Variants in ARHGAP6 observed in about 807,000 individuals in gnomAD.
ARHGAP6 encodes the protein rho GTPase-activating protein 6.
Under a neutral mutation model 55.7 loss-of-function variants are expected in ARHGAP6, and 16 were observed. That is an observed-to-expected ratio of 0.29 (90% CI 0.19 to 0.44). The LOEUF (loss-of-function observed/expected upper bound fraction) is 0.44, where lower values mean the gene tolerates loss of function less well. ARHGAP6 is among the 20% of genes least tolerant of loss of function. ARHGAP6 has a pLI of 1.00. For missense variants in ARHGAP6, 698 were observed against 808.9 expected, an observed-to-expected ratio of 0.86 and a Z score of 1.66; for synonymous variants, 382 against 360.9, an observed-to-expected ratio of 1.06 and a Z score of -0.66.
At chrX:11,358,540 C>T (rs1436332100) in intron 1 of ARHGAP6, among the ~76,000 whole-genome samples, 3 of 103,047 alleles carry the variant, frequency 2.9e-5, no homozygotes, top group African/African-American at 1.1e-4. Context: ...AATGCGATGG[C>T]GTGATCTCAG....
intron 1 of ARHGAP6, among the ~76,000 whole-genome samples, chrX:11,596,308 A>C (rs1171438228): frequency 2.7e-5 from 3 of 111,851 alleles, no homozygotes; most frequent in Non-Finnish European, 5.6e-5. Flanking sequence ...CACTCTCAGC[A>C]AACTACCACA....
intron 1 of ARHGAP6, among the ~76,000 whole-genome samples, chrX:11,408,520 C>T (rs2049638222): frequency 9.0e-6 from 1 of 111,118 alleles, no homozygotes; most frequent in African/African-American, 3.3e-5. Context: ...TATCCAGGTA[C>T]AACGGAAGCA....
intron 2 of ARHGAP6, among the ~76,000 whole-genome samples, chrX:11,199,797 C>T (rs192691212): frequency 4.5e-5 from 5 of 112,127 alleles, no homozygotes; most frequent in Admixed American, 9.4e-5. Context: ...GTGAATGTTA[C>T]GAATAGGTAA....
chrX:11,465,991 C>T (rs1461390238), intron 1 of ARHGAP6, among the ~76,000 whole-genome samples: 1 of 110,942 alleles, frequency 9.0e-6, no homozygotes, highest in Non-Finnish European at 1.9e-5. Flanking sequence ...CTTCCTCCTC[C>T]TCCATGAGAA....
intron 1 of ARHGAP6, among the ~76,000 whole-genome samples, chrX:11,552,832 G>A (rs2051284520): frequency 9.3e-6 from 1 of 107,150 alleles, no homozygotes; most frequent in Non-Finnish European, 1.9e-5. Flanking sequence ...AGATGGAGAG[G>A]GAGGATTGGA....
rs1448426673 is a variant in ARHGAP6, at chrX:11,156,531, T to C, written c.1905A>G (p.Ser635=). 8.3e-7 allele frequency: 1 copy of C among 1,201,366 alleles called. No individual in the cohort carries two copies. The highest frequency in any genetic ancestry group is 1.1e-6 in the Non-Finnish European group (1 of 886,591). ...AGATGGAACACTGGAATACTCACGA[T>C]GATTGGGAAGCCTTTCTTCTGAGTA... ...DYLLRRKASQ[S]SSPDMLQSEV... Residue 635 remains serine, a splice_region_variant and synonymous_variant, in exon 10 of 13, where the codon TCA becomes TCG. Transcript: ENST00000337414.
At chrX:11,210,640 G>A (rs2046779118) in intron 2 of ARHGAP6, among the ~76,000 whole-genome samples, 1 of 112,261 alleles carries the variant, frequency 8.9e-6, no homozygotes, top group Admixed American at 9.5e-5. Context: ...AAATTCCCCA[G>A]TTAGACTATA....
At chrX:11,178,340 G>A (rs967632582) in intron 7 of ARHGAP6, 92 bp from the exon 8 acceptor site, 2 of 994,239 alleles carry the variant, frequency 2.0e-6, no homozygotes, top group African/African-American at 1.9e-5. Flanking sequence ...TCTTAAGAAA[G>A]GGATTATCAA....
intron 1 of ARHGAP6, among the ~76,000 whole-genome samples, chrX:11,608,803 AG>A (rs1403019958): frequency 9.0e-6 from 1 of 111,562 alleles, no homozygotes; most frequent in Non-Finnish European, 1.9e-5. Context: ...GCTGCCATGT[AG>A]GAAGTGCCTT....
chrX:11,358,804 C>T (rs1322199722), intron 1 of ARHGAP6, among the ~76,000 whole-genome samples: 1 of 111,562 alleles, frequency 9.0e-6, no homozygotes, highest in Non-Finnish European at 1.9e-5. Context: ...TAATTGTTTT[C>T]CTCAGGTAGC....
At chrX:11,177,433 CTG>C (rs1430205209) in intron 8 of ARHGAP6, among the ~76,000 whole-genome samples, 1 of 110,619 alleles carries the variant, frequency 9.0e-6, no homozygotes, top group Admixed American at 9.6e-5. Flanking sequence ...TCTAAAGAGT[CTG>C]TGGGACTATG....
intron 7 of ARHGAP6, among the ~76,000 whole-genome samples, chrX:11,178,982 C>T (rs981662065): frequency 8.9e-6 from 1 of 111,989 alleles, no homozygotes; most frequent in African/African-American, 3.2e-5. Flanking sequence ...ACCAGAAACA[C>T]AAACTCATTT....
chrX:11,286,235 T>C (rs1416111701), intron 1 of ARHGAP6, among the ~76,000 whole-genome samples: 1 of 111,677 alleles, frequency 9.0e-6, no homozygotes, highest in African/African-American at 3.3e-5. Context: ...GGGGAACAGG[T>C]GATATTTGGT....
At chrX:11,190,484 T>C (rs866279049) in intron 3 of ARHGAP6, among the ~76,000 whole-genome samples, 2 of 85,727 alleles carry the variant, frequency 2.3e-5, no homozygotes, top group African/African-American at 5.0e-5. Context: ...TATATATACA[T>C]ATATCTATAT....
At chrX:11,450,790 A>G (rs941405003) in intron 1 of ARHGAP6, among the ~76,000 whole-genome samples, 8 of 111,648 alleles carry the variant, frequency 7.2e-5, no homozygotes, top group African/African-American at 2.0e-4. Context: ...AAGAACATTT[A>G]GCAGTACCCT....
intron 1 of ARHGAP6, among the ~76,000 whole-genome samples, chrX:11,574,343 C>T (rs1438408380): frequency 1.8e-5 from 2 of 109,946 alleles, no homozygotes; most frequent in Non-Finnish European, 1.9e-5. Context: ...ACTGGCAAAC[C>T]AAATCCAGCA....
At chrX:11,475,278 A>G (rs1366334870) in intron 1 of ARHGAP6, among the ~76,000 whole-genome samples, 1 of 111,109 alleles carries the variant, frequency 9.0e-6, no homozygotes, top group East Asian at 2.8e-4. Flanking sequence ...ATTTTAGCAC[A>G]CACCCAGGGT....
chrX:11,461,072 T>A (rs771467364), intron 1 of ARHGAP6, among the ~76,000 whole-genome samples: 1 of 112,014 alleles, frequency 8.9e-6, no homozygotes, highest in East Asian at 2.8e-4. Context: ...TCTTAACAGA[T>A]TGCTTAGACA....
intron 1 of ARHGAP6, among the ~76,000 whole-genome samples, chrX:11,256,007 T>C (rs1390257676): frequency 3.6e-5 from 4 of 112,501 alleles, no homozygotes; most frequent in African/African-American, 9.7e-5. Context: ...AGAAAAGTTC[T>C]ATCAGGGAAG....
Sources: allele counts gnomAD v4.1 joint callset (sites outside exome capture counted in the v4.1 genomes callset), GRCh38; gene constraint gnomAD v4.1.1; transcripts MANE v1.5; gene names NCBI Gene and HGNC (gene_info 2026-07-23, HGNC 2026-07-21).